Variants in FAM24B observed in about 807,000 individuals in gnomAD.
The protein encoded by FAM24B is protein FAM24B.
Under a neutral mutation model 2.3 loss-of-function variants are expected in FAM24B, and 3 were observed. The ratio of observed to expected loss-of-function variants is 1.29; its 90% CI spans 0.59 to 3.32. FAM24B has a LOEUF of 3.32. FAM24B is among the 30% of genes most tolerant of loss of function. FAM24B has a pLI of 0.03. For synonymous variants in FAM24B, 36 were observed against 46.3 expected (o/e 0.78, Z 0.90); for missense variants, 98 against 117.2 (o/e 0.84, Z 0.76).
chr10:122,867,041 A>G (rs1397121249), intron 1 of FAM24B, among the ~76,000 whole-genome samples: 1 of 152,242 alleles, frequency 6.6e-6, no homozygotes, highest in Non-Finnish European at 1.5e-5. Flanking sequence ...TCCAGTGAAC[A>G]CACAGATAAG....
At chr10:122,865,587 A>C (rs1847791263) in intron 1 of FAM24B, among the ~76,000 whole-genome samples, 1 of 152,006 alleles carries the variant, frequency 6.6e-6, no homozygotes, top group African/African-American at 2.4e-5. Context: ...CCATTCTCCT[A>C]ATGATTTTAT....
intron 2 of FAM24B, among the ~76,000 whole-genome samples, chr10:122,855,030 C>T (rs780923582): frequency 1.7e-4 from 26 of 152,088 alleles, no homozygotes; most frequent in Non-Finnish European, 3.4e-4. Flanking sequence ...GCTCCGCTCC[C>T]GGGAAACTTA....
intron 1 of FAM24B, among the ~76,000 whole-genome samples, chr10:122,865,488 T>C (rs1322168473): frequency 1.3e-5 from 2 of 152,198 alleles, no homozygotes; most frequent in Non-Finnish European, 2.9e-5. Flanking sequence ...TGTTGATATA[T>C]AATACTTTTT....
chr10:122,860,229 T>C lies in FAM24B; in HGVS notation c.-177-4443A>G, dbSNP rs575685963. ...CCTATATGCCACCACTTGGCAACCATGGATCAATTTTCCATCCTTTTGTTT... is the reference window on the plus strand; with the variant it reads ...CCTATATGCCACCACTTGGCAACCACGGATCAATTTTCCATCCTTTTGTTT... On this transcript the variant is annotated intron_variant, in intron 1 of 3. Transcript: ENST00000368898. 4.6e-5 allele frequency among the ~76,000 whole-genome samples: 7 copies of C among 152,310 alleles called. No individual in the cohort carries two copies. In the South Asian group the frequency reaches 1.5e-3, roughly 32 times the overall value.
At chr10:122,873,585 C>T (rs1278277859) in intron 1 of FAM24B, among the ~76,000 whole-genome samples, 1 of 152,206 alleles carries the variant, frequency 6.6e-6, no homozygotes, top group Non-Finnish European at 1.5e-5. Context: ...GTAATTTCAA[C>T]TTTCAAGTCT....
intron 1 of FAM24B, among the ~76,000 whole-genome samples, chr10:122,876,052 A>G (rs1209863201): frequency 6.6e-6 from 1 of 152,244 alleles, no homozygotes; most frequent in African/African-American, 2.4e-5. Context: ...TCAACATGTA[A>G]GACCCAAAAT....
chr10:122,870,340 C>T (rs1165241442), intron 1 of FAM24B, among the ~76,000 whole-genome samples: 27 of 152,068 alleles, frequency 1.8e-4, no homozygotes, highest in Admixed American at 2.6e-4. Flanking sequence ...GATTCACAGC[C>T]GAATTCTACC....
At chr10:122,864,400 G>A (rs1196934725) in intron 1 of FAM24B, among the ~76,000 whole-genome samples, 1 of 152,064 alleles carries the variant, frequency 6.6e-6, no homozygotes, top group Non-Finnish European at 1.5e-5. Context: ...ATATCACTGA[G>A]GTCTGTTGCG....
intron 1 of FAM24B, among the ~76,000 whole-genome samples, chr10:122,869,726 T>C (rs1439506312): frequency 6.6e-6 from 1 of 152,124 alleles, no homozygotes; most frequent in Non-Finnish European, 1.5e-5. Flanking sequence ...AAGAGGTTCT[T>C]TGAAACCAAC....
chr10:122,860,555 G>A (rs890064291), intron 1 of FAM24B, among the ~76,000 whole-genome samples: 3 of 152,200 alleles, frequency 2.0e-5, no homozygotes, highest in Non-Finnish European at 4.4e-5. Flanking sequence ...GCTGGGTTGT[G>A]TATTCAGTGT....
At chr10:122,855,583 T>C (rs1382356556) in intron 2 of FAM24B, 62 bp downstream of exon 2, 3 of 152,236 alleles carry the variant, frequency 2.0e-5, no homozygotes, top group Non-Finnish European at 4.4e-5. Context: ...CTCTCATTTC[T>C]TGGGAGGCAT....
At chr10:122,866,555 C>T (rs1328134106) in intron 1 of FAM24B, among the ~76,000 whole-genome samples, 2 of 152,046 alleles carry the variant, frequency 1.3e-5, no homozygotes, top group Non-Finnish European at 2.9e-5. Context: ...CATGTGCTTA[C>T]TTGTGTCTCT....
At chr10:122,872,190 C>T (rs1847907967) in intron 1 of FAM24B, among the ~76,000 whole-genome samples, 1 of 152,206 alleles carries the variant, frequency 6.6e-6, no homozygotes, top group South Asian at 2.1e-4. Context: ...AAAAAATGCT[C>T]ATCATCACTG....
At chr10:122,874,981 G>A (rs761591411) in intron 1 of FAM24B, among the ~76,000 whole-genome samples, 7 of 152,108 alleles carry the variant, frequency 4.6e-5, no homozygotes, top group Non-Finnish European at 8.8e-5. Flanking sequence ...CTCTAAGAAC[G>A]GGTTTGGTGT....
At chr10:122,849,519 G>T in intron 3 of FAM24B, 80 bp from the exon 4 acceptor site, 2 of 1,328,654 alleles carry the variant, frequency 1.5e-6, no homozygotes, top group Admixed American at 4.6e-5. Flanking sequence ...GGGGGTATCT[G>T]GGGAGTTTAG....
rs530119927 is a variant in FAM24B at position 122,858,294 on chromosome 10, A to G, written c.-177-2508T>C. On this transcript the variant is annotated intron_variant, in intron 1 of 3. Transcript: ENST00000368898. ...TGGAAACCATCATTCTCAGCAAACT[A>G]TCGCAAGGACAAAAAACCAAACACC... Among the ~76,000 whole-genome samples, 3 of 152,122 alleles carry G rather than the reference A, an allele frequency of 2.0e-5. No individual in the cohort carries two copies. In the East Asian group the frequency reaches 5.8e-4, roughly 29 times the overall value.
chr10:122,860,059 A>G (rs1381386884), intron 1 of FAM24B, among the ~76,000 whole-genome samples: 3 of 151,826 alleles, frequency 2.0e-5, no homozygotes, highest in Non-Finnish European at 4.4e-5. Context: ...TAACTTGCAC[A>G]CAGTAAAGTT....
intron 2 of FAM24B, among the ~76,000 whole-genome samples, chr10:122,852,934 C>A (rs776341820): frequency 1.3e-5 from 2 of 152,106 alleles, no homozygotes; most frequent in Admixed American, 1.3e-4. Context: ...GCCAGAAAAA[C>A]CAGTTTCTTG....
chr10:122,867,762 A>C (rs1156272176), intron 1 of FAM24B, among the ~76,000 whole-genome samples: 2 of 152,164 alleles, frequency 1.3e-5, no homozygotes, highest in Non-Finnish European at 2.9e-5. Flanking sequence ...AACAAACAGA[A>C]AGGACATCCA....
Sources: allele counts gnomAD v4.1 joint callset (sites outside exome capture counted in the v4.1 genomes callset), GRCh38; gene constraint gnomAD v4.1.1; transcripts MANE v1.5; gene names NCBI Gene and HGNC (gene_info 2026-07-23, HGNC 2026-07-21).